Variants in CDH18 observed in about 807,000 individuals in gnomAD.
CDH18 encodes the protein cadherin 18.
A neutral mutation model predicts 67.9 loss-of-function variants in CDH18; 31 were observed. That is an observed-to-expected ratio of 0.46 (90% CI 0.34 to 0.62). CDH18 has a LOEUF of 0.62. CDH18 is among the 20% of genes least tolerant of loss of function. The probability of loss-of-function intolerance (pLI) is 0.01; values close to 1 mark genes in which losing one functional copy is unlikely to be tolerated. For synonymous variants in CDH18, 362 were observed against 347.2 expected (o/e 1.04, Z -0.48); for missense variants, 890 against 975.5 (o/e 0.91, Z 1.17).
At chr5:19,501,514 G>GAAAAA (rs33928797) in intron 11 of CDH18, among the ~76,000 whole-genome samples, 26 of 121,628 alleles carry the variant, frequency 2.1e-4, no homozygotes, top group African/African-American at 7.7e-4. Flanking sequence ...TCTTAAAAAA[G>GAAAAA]AAAAAAAAAA....
At chr5:19,952,759 A>G (rs990642293) in intron 2 of CDH18, among the ~76,000 whole-genome samples, 2 of 152,176 alleles carry the variant, frequency 1.3e-5, no homozygotes, top group African/African-American at 4.8e-5. Flanking sequence ...TTCAATATAT[A>G]TTCAAACCTC....
At chr5:19,563,309 T>G (rs1450113732) in intron 8 of CDH18, among the ~76,000 whole-genome samples, 3 of 152,210 alleles carry the variant, frequency 2.0e-5, no homozygotes, top group African/African-American at 7.2e-5. Context: ...GTTAGTTAAT[T>G]TTTTGAACTT....
At chr5:19,709,153 A>C (rs1346998698) in intron 5 of CDH18, among the ~76,000 whole-genome samples, 1 of 151,678 alleles carries the variant, frequency 6.6e-6, no homozygotes, top group African/African-American at 2.4e-5. Context: ...GGCACTTACC[A>C]CTCACCTGGC....
intron 2 of CDH18, among the ~76,000 whole-genome samples, chr5:19,915,793 T>C (rs1413546796): frequency 6.6e-6 from 1 of 152,048 alleles, no homozygotes; most frequent in Non-Finnish European, 1.5e-5. Context: ...TTTGTTTTTC[T>C]AATTTTCTAT....
chr5:20,077,152 C>T (rs1428133885), intron 2 of CDH18, among the ~76,000 whole-genome samples: 1 of 152,184 alleles, frequency 6.6e-6, no homozygotes, highest in Non-Finnish European at 1.5e-5. Flanking sequence ...GAAAAGCATG[C>T]ATCTGCTGTT....
intron 2 of CDH18, among the ~76,000 whole-genome samples, chr5:20,072,889 G>A (rs543595078): frequency 9.2e-5 from 14 of 151,830 alleles, no homozygotes; most frequent in Admixed American, 2.6e-4. Context: ...TCATATATAC[G>A]TATATTGTTA....
intron 9 of CDH18, among the ~76,000 whole-genome samples, chr5:19,541,683 A>G (rs1429024178): frequency 1.3e-5 from 2 of 152,080 alleles, no homozygotes; most frequent in Non-Finnish European, 2.9e-5. Context: ...AAACCATCAG[A>G]TCTCCTGAGA....
intron 6 of CDH18, among the ~76,000 whole-genome samples, chr5:19,607,324 C>A (rs1199034122): frequency 6.6e-6 from 1 of 151,100 alleles, no homozygotes; most frequent in African/African-American, 2.4e-5. Flanking sequence ...ATGACAATTT[C>A]ATATAGGACT....
intron 2 of CDH18, among the ~76,000 whole-genome samples, chr5:20,087,480 GAA>G (rs3067921): frequency 3.1e-4 from 46 of 147,206 alleles, no homozygotes; most frequent in Middle Eastern, 3.5e-3. Flanking sequence ...TTTTTGTGGG[GAA>G]AAAAAAAAAA....
intron 5 of CDH18, among the ~76,000 whole-genome samples, chr5:19,624,241 A>C (rs1020456080): frequency 6.6e-6 from 1 of 151,864 alleles, no homozygotes; most frequent in African/African-American, 2.4e-5. Context: ...TCCTGATCTC[A>C]GGTGATCTGC....
intron 5 of CDH18, among the ~76,000 whole-genome samples, chr5:19,709,004 T>TTTTATCAAAAAATAAA (rs1554010755): frequency 6.7e-6 from 1 of 149,072 alleles, no homozygotes; most frequent in Non-Finnish European, 1.5e-5. Context: ...CTAGACTCTG[T>TTTTATCAAAAAATAAA]TAAATAAATA....
At chr5:19,910,676 T>G (rs1296182683) in intron 2 of CDH18, among the ~76,000 whole-genome samples, 1 of 152,150 alleles carries the variant, frequency 6.6e-6, no homozygotes, top group Admixed American at 6.6e-5. Flanking sequence ...AAAAGGTGTC[T>G]GAAGGCCATA....
rs1444086219 is a variant in CDH18 at position 19,931,223 on chromosome 5, T to G, written c.-257+49837A>C. 2.6e-5 allele frequency among the ~76,000 whole-genome samples: 4 copies of G among 152,104 alleles called. No homozygotes were observed. The East Asian group carries it at 5.8e-4, about 22-fold the overall frequency. ...ATTCCTTTTAGTTCAAATACAAGAT[T>G]CTTCAATGGCAATTTTATGTCTCCT... On this transcript the variant is annotated intron_variant, in intron 2 of 12. Transcript: ENST00000382275.
chr5:20,103,569 C>CAAA (rs139801417), intron 2 of CDH18, among the ~76,000 whole-genome samples: 2 of 102,106 alleles, frequency 2.0e-5, no homozygotes, highest in Middle Eastern at 5.0e-3. Flanking sequence ...ACTAAAAATA[C>CAAA]AAAAAAAAAA....
chr5:20,399,270 A>G, intron 1 of CDH18, among the ~76,000 whole-genome samples: 1 of 152,186 alleles, frequency 6.6e-6, no homozygotes, highest in East Asian at 1.9e-4. Flanking sequence ...AATATAAATT[A>G]TTATCAAAAG....
At chr5:19,863,771 AC>A (rs1398478536) in intron 2 of CDH18, among the ~76,000 whole-genome samples, 1 of 152,198 alleles carries the variant, frequency 6.6e-6, no homozygotes, top group Non-Finnish European at 1.5e-5. Context: ...CTGGGCAGCC[AC>A]CAACCCAGGC....
chr5:20,331,520 TG>T (rs1157223798), intron 1 of CDH18: 1 of 152,180 alleles, frequency 6.6e-6, no homozygotes, highest in Non-Finnish European at 1.5e-5. Context: ...AAAGTCCTAT[TG>T]TATATTCAAA....
chr5:20,497,900 TA>T (rs1754007338), intron 1 of CDH18, among the ~76,000 whole-genome samples: 1 of 152,164 alleles, frequency 6.6e-6, no homozygotes, highest in East Asian at 1.9e-4. Context: ...CTTCGTGAGG[TA>T]ATTAGATCAT....
intron 5 of CDH18, among the ~76,000 whole-genome samples, chr5:19,720,562 T>C (rs771251490): frequency 3.3e-5 from 5 of 152,158 alleles, no homozygotes; most frequent in Non-Finnish European, 5.9e-5. Context: ...GATTTTTTTA[T>C]GGTTTTTGGA....
Sources: gnomAD v4.1 joint callset for allele counts (sites outside exome capture counted in the v4.1 genomes callset) on GRCh38, gnomAD v4.1.1 for gene constraint, MANE v1.5 for transcripts, NCBI Gene and HGNC (gene_info 2026-07-23, HGNC 2026-07-21) for gene names.